Variants in CENPW observed in about 807,000 individuals in gnomAD.
CENPW encodes centromere protein W.
A neutral mutation model predicts 11.1 loss-of-function variants in CENPW; 3 were observed. That is an observed-to-expected ratio of 0.27 (90% CI 0.12 to 0.70). The LOEUF (loss-of-function observed/expected upper bound fraction) is 0.70. CENPW is among the 30% of genes least tolerant of loss of function. The pLI is 0.77. For missense variants in CENPW, 100 were observed against 105.6 expected (o/e 0.95, Z 0.23); for synonymous variants, 38 against 42.0 (o/e 0.91, Z 0.37).
chr6:126,432,212 G>T, the CENPW span, among the ~76,000 whole-genome samples: 1 of 151,546 alleles, frequency 6.6e-6, no homozygotes, highest in Non-Finnish European at 1.5e-5. Context: ...AATTCTCAAT[G>T]TCCATAAATA....
the CENPW span, among the ~76,000 whole-genome samples, chr6:126,376,601 C>T: frequency 6.6e-6 from 1 of 152,076 alleles, no homozygotes; most frequent in Admixed American, 6.6e-5. Flanking sequence ...AGAGGAGAAC[C>T]AGACTAGGTG....
chr6:126,353,246 C>T (rs1400992083), downstream of CENPW, among the ~76,000 whole-genome samples: 6 of 150,406 alleles, frequency 4.0e-5, no homozygotes, highest in South Asian at 2.1e-4. Context: ...TTTAACAACC[C>T]GAAGAACTCT....
the CENPW span, among the ~76,000 whole-genome samples, chr6:126,451,960 C>A: frequency 2.6e-5 from 4 of 151,082 alleles, no homozygotes; most frequent in Non-Finnish European, 5.9e-5. Flanking sequence ...GAAAGACTTT[C>A]AGACATGAAT....
the CENPW span, among the ~76,000 whole-genome samples, chr6:126,356,646 G>A: frequency 6.6e-6 from 1 of 152,008 alleles, no homozygotes; most frequent in Non-Finnish European, 1.5e-5. Flanking sequence ...GTATGAGATA[G>A]TATCTCATTA....
At chr6:126,415,940 A>G in the CENPW span, among the ~76,000 whole-genome samples, 1 of 152,202 alleles carries the variant, frequency 6.6e-6, no homozygotes, top group Non-Finnish European at 1.5e-5. Context: ...CTGAAAAGAT[A>G]CCTGAAAATG....
At chr6:126,404,546 CAT>C in the CENPW span, among the ~76,000 whole-genome samples, 6 of 152,192 alleles carry the variant, frequency 3.9e-5, no homozygotes, top group South Asian at 4.1e-4. Flanking sequence ...AGTGCTCAAA[CAT>C]GTGATGGTTC....
chr6:126,360,355 A>C, the CENPW span, among the ~76,000 whole-genome samples: 2 of 151,818 alleles, frequency 1.3e-5, no homozygotes, highest in East Asian at 3.9e-4. Flanking sequence ...TGTGTTTAAG[A>C]TTTTTTTCTT....
the CENPW span, among the ~76,000 whole-genome samples, chr6:126,392,395 A>G: frequency 6.6e-6 from 1 of 151,850 alleles, no homozygotes; most frequent in Non-Finnish European, 1.5e-5. Context: ...ATCTATGATG[A>G]AAGACTTTCA....
intron 1 of CENPW, among the ~76,000 whole-genome samples, chr6:126,344,219 A>G (rs1225423137): frequency 1.3e-5 from 2 of 152,238 alleles, no homozygotes; most frequent in East Asian, 1.9e-4. Context: ...AGCATGATGT[A>G]GTCTATGCAG....
At chr6:126,476,620 G>A in the CENPW span, among the ~76,000 whole-genome samples, 1 of 151,958 alleles carries the variant, frequency 6.6e-6, no homozygotes, top group Non-Finnish European at 1.5e-5. Flanking sequence ...CAAAGACCTT[G>A]TAATTCTGAT....
the CENPW span, among the ~76,000 whole-genome samples, chr6:126,366,852 A>G: frequency 6.6e-6 from 1 of 152,066 alleles, no homozygotes. Flanking sequence ...GCATCTAGGG[A>G]AGGTCTTCTT....
the CENPW span, among the ~76,000 whole-genome samples, chr6:126,404,828 A>T: frequency 6.9e-6 from 1 of 144,962 alleles, no homozygotes; most frequent in Admixed American, 7.0e-5. Context: ...CAGCTCATTG[A>T]CCCATTTTTT....
chr6:126,429,858 G>A, the CENPW span, among the ~76,000 whole-genome samples: 2 of 152,130 alleles, frequency 1.3e-5, no homozygotes, highest in African/African-American at 4.8e-5. Flanking sequence ...GTCCTGAAAT[G>A]CCCCTCTACT....
Position 126,348,556 on chromosome 6 carries a change from A to G in CENPW, c.*64A>G. Reference sequence around the variant, plus strand: ...TTTTGGGTGGTAACAGATCATAAAGACATTTTTTACACATCAGTTAATATG... The same window carrying G: ...TTTTGGGTGGTAACAGATCATAAAGGCATTTTTTACACATCAGTTAATATG... On this transcript the variant is annotated 3_prime_UTR_variant, in exon 3 of 3. Transcript: ENST00000368328. 1.1e-6 allele frequency: 1 copy of G among 923,382 alleles called. No homozygotes were observed. The highest frequency in any genetic ancestry group is 1.4e-5 in the South Asian group (1 of 70,896). 57.2% of individuals were successfully genotyped at this position (923,382 alleles called of 1,614,324 possible).
the CENPW span, among the ~76,000 whole-genome samples, chr6:126,385,566 T>C: frequency 6.6e-6 from 1 of 152,104 alleles, no homozygotes; most frequent in Middle Eastern, 3.2e-3. Flanking sequence ...AGGCTTTGTG[T>C]CCCCACCCAA....
chr6:126,357,694 C>T, the CENPW span, among the ~76,000 whole-genome samples: 1 of 152,022 alleles, frequency 6.6e-6, no homozygotes, highest in Non-Finnish European at 1.5e-5. Context: ...CTGCAACCTC[C>T]ACCTCCCAGG....
the CENPW span, among the ~76,000 whole-genome samples, chr6:126,445,655 T>C: frequency 2.0e-5 from 3 of 151,196 alleles, no homozygotes; most frequent in Non-Finnish European, 3.0e-5. Context: ...GTGCTCTTTG[T>C]AAATGTGTAT....
chr6:126,448,605 C>A, the CENPW span, among the ~76,000 whole-genome samples: 1 of 151,026 alleles, frequency 6.6e-6, no homozygotes, highest in Non-Finnish European at 1.5e-5. Context: ...TGTTTCAGAG[C>A]TGATCTGAGG....
At chr6:126,399,537 T>G in the CENPW span, among the ~76,000 whole-genome samples, 7 of 152,252 alleles carry the variant, frequency 4.6e-5, no homozygotes, top group African/African-American at 1.7e-4. Flanking sequence ...TTACCTTAAA[T>G]ATACACAATT....
Sources: gnomAD v4.1 joint callset for allele counts (sites outside exome capture counted in the v4.1 genomes callset) on GRCh38, gnomAD v4.1.1 for gene constraint, MANE v1.5 for transcripts, NCBI Gene and HGNC (gene_info 2026-07-23, HGNC 2026-07-21) for gene names.